NXPE4: variants seen among roughly 807,000 people sequenced by gnomAD.
NXPE4 encodes the protein NXPE family member 4.
NXPE4 carries 42 observed loss-of-function variants against 33.3 expected under a neutral mutation model. The ratio of observed to expected loss-of-function variants is 1.26; its 90% CI spans 0.98 to 1.63. The LOEUF (loss-of-function observed/expected upper bound fraction) is 1.63. Among genes scored for constraint, NXPE4 ranks in the 40% most tolerant of loss-of-function variants. The pLI, the probability that NXPE4 is intolerant of heterozygous loss-of-function variation, is 0.00. For missense variants in NXPE4, 709 were observed against 647.6 expected, an observed-to-expected ratio of 1.09 and a Z score of -1.03; for synonymous variants, 253 against 234.9, an observed-to-expected ratio of 1.08 and a Z score of -0.71.
chr11:114,584,428 AG>A (rs1226321557), intron 2 of NXPE4: 1 of 236,702 alleles, frequency 4.2e-6, no homozygotes, highest in Non-Finnish European at 8.7e-6. Flanking sequence ...GTCCCTCAAG[AG>A]GGTGGCGATG....
chr11:114,623,495 T>C, the NXPE4 span, among the ~76,000 whole-genome samples: 1 of 152,108 alleles, frequency 6.6e-6, no homozygotes, highest in Non-Finnish European at 1.5e-5. Flanking sequence ...TAACCACTGT[T>C]ACCCAGTGGA....
chr11:114,626,584 G>GA, the NXPE4 span, among the ~76,000 whole-genome samples: 1 of 152,172 alleles, frequency 6.6e-6, no homozygotes, highest in Non-Finnish European at 1.5e-5. Context: ...AAACAGAGCA[G>GA]AAAAACGGGA....
At position 114,582,893 on chromosome 11, in the gene NXPE4, G is replaced by T. The variant is rs1565333719; in HGVS notation, c.225C>A (p.Ile75=). Residue 75 remains isoleucine, a synonymous_variant, in exon 3 of 6, where the codon ATC becomes ATA. Transcript: ENST00000375478. The part of the protein sequence containing the change: ...LTETELRIKE[I]IEKLDQQIPP... ...GGATCTGCTGATCTAGTTTCTCTAT[G>T]ATTTCCTTTATTCTGAGTTCAGTCT... is the stretch of plus-strand genomic sequence containing the variant. 3 of 1,614,136 alleles carry T rather than the reference G, an allele frequency of 1.9e-6. No homozygotes were observed. Among genetic ancestry groups the T allele is most frequent in the Non-Finnish European group, 1.7e-6 (2 of 1,180,008 alleles).
At chr11:114,589,735 C>A (rs1185428010) in intron 2 of NXPE4, among the ~76,000 whole-genome samples, 1 of 152,152 alleles carries the variant, frequency 6.6e-6, no homozygotes, top group African/African-American at 2.4e-5. Flanking sequence ...TAATCGGAGA[C>A]AATATCCCCT....
At chr11:114,663,649 T>C in the NXPE4 span, among the ~76,000 whole-genome samples, 7 of 140,452 alleles carry the variant, frequency 5.0e-5, no homozygotes, top group South Asian at 4.5e-4. Flanking sequence ...TCTATCCATC[T>C]ATCATCTATT....
intron 2 of NXPE4, among the ~76,000 whole-genome samples, chr11:114,587,008 A>G (rs1428381211): frequency 1.3e-5 from 2 of 152,106 alleles, no homozygotes; most frequent in African/African-American, 4.8e-5. Context: ...TCTGGAGAGC[A>G]CATGGTATTT....
At chr11:114,603,320 G>A in the NXPE4 span, among the ~76,000 whole-genome samples, 17 of 122,128 alleles carry the variant, frequency 1.4e-4, no homozygotes, top group South Asian at 5.5e-4. Context: ...TACCTGGTGG[G>A]TGATAAGTAT....
the NXPE4 span, among the ~76,000 whole-genome samples, chr11:114,626,334 T>G: frequency 6.6e-6 from 1 of 152,186 alleles, no homozygotes; most frequent in Non-Finnish European, 1.5e-5. Flanking sequence ...GATCTGAGAA[T>G]GGGCAGACTG....
At chr11:114,669,453 C>CT in the NXPE4 span, among the ~76,000 whole-genome samples, 2 of 152,062 alleles carry the variant, frequency 1.3e-5, no homozygotes, top group African/African-American at 4.8e-5. Flanking sequence ...TATCCCTTTT[C>CT]ATTCCTTCCA....
At chr11:114,637,893 A>C in the NXPE4 span, among the ~76,000 whole-genome samples, 1 of 151,902 alleles carries the variant, frequency 6.6e-6, no homozygotes, top group Admixed American at 6.6e-5. Flanking sequence ...GGCTGCCCTT[A>C]ACATTTTTTC....
chr11:114,637,118 C>G, the NXPE4 span, among the ~76,000 whole-genome samples: 1 of 151,664 alleles, frequency 6.6e-6, no homozygotes, highest in Non-Finnish European at 1.5e-5. Context: ...GTAGGTCACT[C>G]AGGACTTGCT....
At chr11:114,583,645 T>C (rs2135240133) in intron 2 of NXPE4, 1 of 589,250 alleles carries the variant, frequency 1.7e-6, no homozygotes, top group South Asian at 1.4e-5. Flanking sequence ...AGATGGACAC[T>C]GCTGTGAATT....
chr11:114,586,007 G>T (rs1949287178), intron 2 of NXPE4, among the ~76,000 whole-genome samples: 1 of 152,146 alleles, frequency 6.6e-6, no homozygotes, highest in Non-Finnish European at 1.5e-5. Context: ...GAGTGGGACA[G>T]CCAGCTTCTT....
intron 2 of NXPE4, among the ~76,000 whole-genome samples, chr11:114,591,241 A>G (rs1182885111): frequency 6.6e-6 from 1 of 152,224 alleles, no homozygotes; most frequent in Non-Finnish European, 1.5e-5. Context: ...ACTTGAATTA[A>G]GCAAGGGAAA....
the NXPE4 span, among the ~76,000 whole-genome samples, chr11:114,603,183 T>C: frequency 3.9e-5 from 6 of 151,936 alleles, no homozygotes; most frequent in Non-Finnish European, 7.4e-5. Context: ...TGGTGGATGA[T>C]AAGTATTGCC....
At chr11:114,602,204 C>T in the NXPE4 span, among the ~76,000 whole-genome samples, 1 of 105,376 alleles carries the variant, frequency 9.5e-6, no homozygotes, top group Non-Finnish European at 1.7e-5. Context: ...ATATATAATA[C>T]TATATACAAT....
At chr11:114,606,250 A>G in the NXPE4 span, among the ~76,000 whole-genome samples, 1 of 151,410 alleles carries the variant, frequency 6.6e-6, no homozygotes, top group African/African-American at 2.4e-5. Context: ...CTGGATAACA[A>G]GTGTTGCCTT....
chr11:114,630,611 G>T, the NXPE4 span, among the ~76,000 whole-genome samples: 2,257 of 151,302 alleles, frequency 0.015, 58 homozygotes, highest in Non-Finnish European at 0.016. Flanking sequence ...ACATAGGCAT[G>T]GGCAAGGACT....
chr11:114,634,911 T>A, the NXPE4 span, among the ~76,000 whole-genome samples: 4 of 152,092 alleles, frequency 2.6e-5, no homozygotes, highest in Non-Finnish European at 5.9e-5. Context: ...GCCTCCAGCT[T>A]TGTTCTTTTG....
Sources: allele counts gnomAD v4.1 joint callset (sites outside exome capture counted in the v4.1 genomes callset), GRCh38; gene constraint gnomAD v4.1.1; transcripts MANE v1.5; gene names NCBI Gene and HGNC (gene_info 2026-07-23, HGNC 2026-07-21).